Variants in TPTE2 observed in about 807,000 individuals in gnomAD.
TPTE2 encodes the protein transmembrane phosphoinositide 3-phosphatase and tensin homolog 2.
In TPTE2, 53 loss-of-function variants were observed where a neutral mutation model predicts 78.6. That is an observed-to-expected ratio of 0.67 (90% confidence interval 0.54 to 0.85). TPTE2 has a LOEUF of 0.85. TPTE2 is among the 40% of genes least tolerant of loss of function. The pLI is 0.00. For missense variants in TPTE2, 461 were observed against 623.0 expected (o/e 0.74, Z 2.77); for synonymous variants, 175 against 206.2 (o/e 0.85, Z 1.30).
chr13:19,448,597 A>C (rs1240512513), intron 13 of TPTE2, among the ~76,000 whole-genome samples: 1 of 152,234 alleles, frequency 6.6e-6, no homozygotes, highest in Non-Finnish European at 1.5e-5. Context: ...AGGGAAAAGC[A>C]ATTTAAAACC....
At chr13:19,549,201 A>G in the TPTE2 span, among the ~76,000 whole-genome samples, 6 of 152,198 alleles carry the variant, frequency 3.9e-5, no homozygotes, top group Non-Finnish European at 8.8e-5. Flanking sequence ...GCACAAAAAA[A>G]GAAATTTCAA....
the TPTE2 span, chr13:19,560,278 T>G: frequency 9.2e-6 from 9 of 981,042 alleles, no homozygotes; most frequent in African/African-American, 4.8e-5. Flanking sequence ...AGAGTCTGAA[T>G]TGGCAAGGGC....
the TPTE2 span, among the ~76,000 whole-genome samples, chr13:19,542,888 G>A: frequency 6.6e-6 from 1 of 152,026 alleles, no homozygotes; most frequent in East Asian, 1.9e-4. Flanking sequence ...CTACATGGAA[G>A]GCTGCGGTGG....
At chr13:19,447,078 T>C (rs547783070) in intron 13 of TPTE2, among the ~76,000 whole-genome samples, 5 of 152,108 alleles carry the variant, frequency 3.3e-5, no homozygotes, top group African/African-American at 1.2e-4. Context: ...CTCCTATAAA[T>C]CGATATAAAA....
intron 15 of TPTE2, among the ~76,000 whole-genome samples, 161 bp downstream of exon 18, chr13:19,436,065 T>C (rs1193690509): frequency 6.6e-6 from 1 of 152,118 alleles, no homozygotes; most frequent in Non-Finnish European, 1.5e-5. Context: ...GCACCTGAAG[T>C]GTGACCCTCA....
At chr13:19,500,373 T>C (rs915188055) in intron 1 of TPTE2, among the ~76,000 whole-genome samples, 6 of 151,818 alleles carry the variant, frequency 4.0e-5, no homozygotes, top group Non-Finnish European at 5.9e-5. Context: ...ACCAATATCC[T>C]TGATGAACAT....
In TPTE2 at chr13:19,426,371, A is replaced by T. The variant is rs202193643; in HGVS notation, c.1395+54T>A. On this transcript the variant is annotated intron_variant, in intron 18 of 19. Coordinates refer to ENST00000400230, the Ensembl canonical transcript of TPTE2. Reference sequence around the variant, plus strand: ...AATTGTAGTAAAGCAAATCTGAAATAAAATCATTAGACCAGACAAGAACAA... The same window carrying T: ...AATTGTAGTAAAGCAAATCTGAAATTAAATCATTAGACCAGACAAGAACAA... 1,769 of 1,004,280 alleles carry T rather than the reference A, an allele frequency of 1.8e-3. 1 individual carries two copies. The highest frequency in any genetic ancestry group is 5.2e-3 in the African/African-American group (316 of 60,386). The allele number at this position is 1,004,280 out of a possible 1,614,324, so 62.2% of individuals were successfully genotyped here.
At chr13:19,485,481 C>A (rs563775581) in intron 3 of TPTE2, among the ~76,000 whole-genome samples, 1 of 152,086 alleles carries the variant, frequency 6.6e-6, no homozygotes, top group African/African-American at 2.4e-5. Context: ...TTTAAAAAAT[C>A]TTTGTCTTTG....
chr13:19,556,355 GA>G, the TPTE2 span, among the ~76,000 whole-genome samples: 1 of 152,166 alleles, frequency 6.6e-6, no homozygotes, highest in African/African-American at 2.4e-5. Flanking sequence ...TAAGATTTAA[GA>G]TAACTAGTTG....
At chr13:19,524,804 C>T (rs1034301167) in intron 1 of TPTE2, among the ~76,000 whole-genome samples, 2 of 151,942 alleles carry the variant, frequency 1.3e-5, no homozygotes, top group Non-Finnish European at 2.9e-5. Context: ...AAGTGGGGAG[C>T]GAGTTTCAGA....
chr13:19,494,266 T>G (rs943747512), intron 1 of TPTE2, among the ~76,000 whole-genome samples: 1 of 152,212 alleles, frequency 6.6e-6, no homozygotes, highest in African/African-American at 2.4e-5. Context: ...TGGAAGTTAT[T>G]TATACACGAT....
intron 15 of TPTE2, among the ~76,000 whole-genome samples, chr13:19,434,405 T>C (rs911323807): frequency 4.6e-5 from 7 of 152,102 alleles, no homozygotes; most frequent in Admixed American, 1.3e-4. Context: ...TGCATGCACA[T>C]AGTGGAAGAG....
In TPTE2 at chr13:19,450,491, C is replaced by G. The variant is rs1404257811; in HGVS notation, c.803-147G>C. 16 of 747,960 alleles carry G rather than the reference C, an allele frequency of 2.1e-5. No individual in the cohort carries two copies. In the South Asian group the frequency reaches 3.2e-4, roughly 15 times the overall value. 46.3% of individuals were successfully genotyped at this position (747,960 alleles called of 1,614,324 possible). A position where few individuals can be genotyped will look rare whatever the true frequency, so the allele number is the denominator to read the frequency against. ...GTTGCTCCTGCCACTCTAAAATAAA[C>G]GCAAGCATTTCAAAAACGTAAGGAT... On this transcript the variant is annotated intron_variant, in intron 11 of 19. Transcript: ENST00000400230.
intron 3 of TPTE2, among the ~76,000 whole-genome samples, chr13:19,488,830 G>T (rs3002105): frequency 0.19 from 28,506 of 152,034 alleles, 3,661 homozygotes; most frequent in African/African-American, 0.36. Context: ...AAGTTTTTTG[G>T]CTTTTCTGTT....
intron 1 of TPTE2, among the ~76,000 whole-genome samples, chr13:19,528,728 T>C (rs931681888): frequency 1.3e-5 from 2 of 152,190 alleles, no homozygotes; most frequent in Non-Finnish European, 2.9e-5. Flanking sequence ...TGCATGGTTA[T>C]CCACCCATCT....
chr13:19,429,931 A>AT (rs1366399913), intron 17 of TPTE2, among the ~76,000 whole-genome samples: 2 of 152,202 alleles, frequency 1.3e-5, no homozygotes, highest in African/African-American at 4.8e-5. Context: ...TGTTTCTCAC[A>AT]GGGTCATCCC....
chr13:19,491,023 A>G (rs1293841464), intron 3 of TPTE2, among the ~76,000 whole-genome samples: 8 of 152,250 alleles, frequency 5.3e-5, no homozygotes, highest in African/African-American at 1.9e-4. Flanking sequence ...TAGATCGAAG[A>G]AAGAAAGGTA....
At chr13:19,446,923 A>C (rs943147557) in intron 13 of TPTE2, among the ~76,000 whole-genome samples, 2 of 152,282 alleles carry the variant, frequency 1.3e-5, no homozygotes, top group Non-Finnish European at 2.9e-5. Context: ...AGCCTGAGTG[A>C]CAGAGCGAGA....
rs187041493 is a variant in TPTE2 at position 19,519,216 on chromosome 13, C to G, written c.-43-15939G>C. Among the ~76,000 whole-genome samples, 1,077 of 152,220 alleles carry G rather than the reference C, an allele frequency of 7.1e-3. 3 individuals carry two copies. Among genetic ancestry groups the G allele is most frequent in the Non-Finnish European group, 0.012 (811 of 68,016 alleles). On this transcript the variant is annotated intron_variant, in intron 1 of 17. Transcript: ENST00000390680. ...AAATATGCCCAGAGCATTCTATTCT[C>G]TGTGTGAAAGACCTGCTCTAAAGAA...
Sources: gnomAD v4.1 joint callset for allele counts (sites outside exome capture counted in the v4.1 genomes callset) on GRCh38, gnomAD v4.1.1 for gene constraint, MANE v1.5 for transcripts, NCBI Gene and HGNC (gene_info 2026-07-23, HGNC 2026-07-21) for gene names.